ATP10A: variants seen among roughly 807,000 people sequenced by gnomAD.
The protein encoded by ATP10A is ATPase phospholipid transporting 10A (putative), also known as phospholipid-transporting ATPase VA.
ATP10A carries 111 observed loss-of-function variants against 147.8 expected under a neutral mutation model. That is an observed-to-expected ratio of 0.75 (90% CI 0.64 to 0.88). The LOEUF is 0.88. Among genes scored for constraint, ATP10A ranks in the 40% least tolerant of loss-of-function variants. The pLI is 0.00. For missense variants in ATP10A, 1,927 were observed against 1,959.0 expected (o/e 0.98, Z 0.31); for synonymous variants, 875 against 841.6 (o/e 1.04, Z -0.69).
chr15:25,688,988 C>T (rs1050953505), intron 15 of ATP10A, among the ~76,000 whole-genome samples: 2 of 152,302 alleles, frequency 1.3e-5, no homozygotes, highest in East Asian at 3.9e-4. Flanking sequence ...AGACACAGTC[C>T]CCGTCCTCCA....
At chr15:25,795,277 C>G (rs1456585647) in intron 1 of ATP10A, among the ~76,000 whole-genome samples, 1 of 152,132 alleles carries the variant, frequency 6.6e-6, no homozygotes, top group Non-Finnish European at 1.5e-5. Context: ...CCACAGGACA[C>G]CACCGTCCAC....
At chr15:25,812,479 T>G (rs1891475651) in intron 1 of ATP10A, among the ~76,000 whole-genome samples, 1 of 152,194 alleles carries the variant, frequency 6.6e-6, no homozygotes, top group African/African-American at 2.4e-5. Flanking sequence ...AAGGACGCCC[T>G]AAATACACCC....
intron 1 of ATP10A, among the ~76,000 whole-genome samples, chr15:25,847,813 G>A (rs1893094515): frequency 6.6e-6 from 1 of 151,510 alleles, no homozygotes; most frequent in Non-Finnish European, 1.5e-5. Context: ...CGTATTTTTT[G>A]TAGGGATGAG....
intron 1 of ATP10A, among the ~76,000 whole-genome samples, chr15:25,842,167 G>T (rs773939608): frequency 1.3e-5 from 2 of 152,224 alleles, no homozygotes; most frequent in African/African-American, 2.4e-5. Context: ...CTGGTGGCTT[G>T]GGTGTGGAGC....
chr15:25,741,438 G>A (rs1887579323), intron 2 of ATP10A, among the ~76,000 whole-genome samples: 1 of 152,104 alleles, frequency 6.6e-6, no homozygotes, highest in Non-Finnish European at 1.5e-5. Flanking sequence ...TCCCCTGGCA[G>A]CAATACAAAA....
intron 14 of ATP10A, among the ~76,000 whole-genome samples, chr15:25,693,511 G>A (rs763196711): frequency 9.9e-5 from 15 of 151,436 alleles, no homozygotes; most frequent in Non-Finnish European, 2.2e-4. Flanking sequence ...ACTGTGTACT[G>A]TGGCCTTTCA....
At chr15:25,772,152 C>T (rs1889369618) in intron 2 of ATP10A, among the ~76,000 whole-genome samples, 2 of 152,166 alleles carry the variant, frequency 1.3e-5, no homozygotes, top group African/African-American at 4.8e-5. Flanking sequence ...CTGCCTCAGT[C>T]ACTCATTTCA....
chr15:25,684,495 G>A (rs1251904440), intron 16 of ATP10A, among the ~76,000 whole-genome samples: 3 of 152,218 alleles, frequency 2.0e-5, no homozygotes, highest in Non-Finnish European at 2.9e-5. Flanking sequence ...ATCGCCTACG[G>A]TGTATGGTGG....
intron 2 of ATP10A, among the ~76,000 whole-genome samples, chr15:25,756,638 A>G (rs12906605): frequency 0.78 from 117,763 of 151,722 alleles, 46,164 homozygotes; most frequent in Non-Finnish European, 0.83. Flanking sequence ...GCAAGACTCC[A>G]TCTCAAATAA....
Position 25,863,276 on chromosome 15 carries a change from G to C in ATP10A, c.-180C>G, listed in dbSNP as rs986155559. 6.7e-4 allele frequency: 149 copies of C among 222,342 alleles called. 1 individual carries two copies. The highest frequency in any genetic ancestry group is 1.3e-3 in the South Asian group (8 of 6,278). 13.8% of individuals were successfully genotyped at this position (222,342 alleles called of 1,614,324 possible). On this transcript the variant is annotated 5_prime_UTR_variant, in exon 1 of 21. Coordinates refer to ENST00000555815, the MANE Select transcript of ATP10A (RefSeq NM_024490.4). ...GCGCGCCCAGCCCGCGCCCAGCCCC[G>C]TCCACTCCCGTCCAGCCCCGCCGCC...
intron 3 of ATP10A, among the ~76,000 whole-genome samples, chr15:25,727,770 A>G (rs1902671775): frequency 6.6e-6 from 1 of 152,374 alleles, no homozygotes; most frequent in South Asian, 2.1e-4. Flanking sequence ...GTATTAATAT[A>G]TGTGGTCTGA....
intron 17 of ATP10A, among the ~76,000 whole-genome samples, chr15:25,681,888 C>A (rs1331781416): frequency 1.3e-5 from 2 of 151,962 alleles, no homozygotes; most frequent in Non-Finnish European, 2.9e-5. Flanking sequence ...CCCGTCTCTA[C>A]TAAACATATA....
intron 7 of ATP10A, among the ~76,000 whole-genome samples, chr15:25,719,585 C>T (rs766422850): frequency 7.9e-5 from 12 of 151,668 alleles, no homozygotes; most frequent in Non-Finnish European, 1.3e-4. Flanking sequence ...GCAGTGGTCC[C>T]GCACATCCGG....
intron 2 of ATP10A, among the ~76,000 whole-genome samples, chr15:25,778,496 G>GA (rs199544444): frequency 0.25 from 36,423 of 145,398 alleles, 4,617 homozygotes; most frequent in Non-Finnish European, 0.28. Context: ...TAGGGAAAGA[G>GA]AAAAAAAAAA....
chr15:25,694,886 C>A lies in ATP10A; in HGVS notation c.3021G>T (p.Thr1007=). Residue 1007 remains threonine, a synonymous_variant, in exon 14 of 21, where the codon ACG becomes ACT. Coordinates refer to ENST00000555815, the MANE Select transcript of ATP10A (RefSeq NM_024490.4). The part of the protein sequence containing the change: ...QCRSVLCCRS[T]PLQKSMVVKL... ...TCACCACCATGCTCTTCTGCAGAGG[C>A]GTCGACCGACAGCAGAGGACGGAGC... is the stretch of plus-strand genomic sequence containing the variant. 1 of 1,614,122 alleles carries A rather than the reference C, an allele frequency of 6.2e-7. No individual in the cohort carries two copies. Among genetic ancestry groups the A allele is most frequent in the South Asian group, 1.1e-5 (1 of 91,072 alleles).
At chr15:25,778,305 T>C (rs1889725583) in intron 2 of ATP10A, among the ~76,000 whole-genome samples, 2 of 152,314 alleles carry the variant, frequency 1.3e-5, no homozygotes, top group South Asian at 2.1e-4. Context: ...TAACTCAGTA[T>C]TACAAAAAAA....
chr15:25,834,353 A>G (rs373338197), intron 1 of ATP10A, among the ~76,000 whole-genome samples: 41 of 152,312 alleles, frequency 2.7e-4, no homozygotes, highest in Non-Finnish European at 4.4e-4. Flanking sequence ...TGACTAGACA[A>G]TTCCCCAAAG....
intron 1 of ATP10A, among the ~76,000 whole-genome samples, chr15:25,782,694 T>C (rs1889980110): frequency 6.6e-6 from 1 of 152,212 alleles, no homozygotes; most frequent in Non-Finnish European, 1.5e-5. Context: ...AACATAATTT[T>C]TAGATTTCTT....
intron 9 of ATP10A, among the ~76,000 whole-genome samples, chr15:25,715,047 C>A (rs546395582): frequency 1.3e-5 from 2 of 151,992 alleles, no homozygotes; most frequent in African/African-American, 2.4e-5. Context: ...AACAGAGCCA[C>A]GCTTTTTTCT....
Sources: gnomAD v4.1 joint callset for allele counts (sites outside exome capture counted in the v4.1 genomes callset) on GRCh38, gnomAD v4.1.1 for gene constraint, MANE v1.5 for transcripts, NCBI Gene and HGNC (gene_info 2026-07-23, HGNC 2026-07-21) for gene names.